The following GPC6 variants were observed in gnomAD, a reference collection of about 807,000 sequenced individuals.
The protein encoded by GPC6 is glypican-6.
GPC6 carries 14 observed loss-of-function variants against 55.2 expected under a neutral mutation model. The observed-to-expected ratio is 0.25, with a 90% CI of 0.17 to 0.40. The LOEUF is 0.40. GPC6 is among the 10% of genes least tolerant of loss of function. GPC6 has a pLI of 1.00. For missense variants in GPC6, 641 were observed against 708.5 expected, an observed-to-expected ratio of 0.90 and a Z score of 1.08; for synonymous variants, 278 against 259.6, an observed-to-expected ratio of 1.07 and a Z score of -0.68.
intron 2 of GPC6, among the ~76,000 whole-genome samples, chr13:93,697,672 A>G (rs1318131963): frequency 1.3e-5 from 2 of 152,168 alleles, no homozygotes; most frequent in Non-Finnish European, 2.9e-5. Context: ...CGTTAGTTCC[A>G]AAATTTTAGA....
intron 1 of GPC6, among the ~76,000 whole-genome samples, chr13:93,460,359 G>A (rs1878631725): frequency 6.6e-6 from 1 of 152,116 alleles, no homozygotes; most frequent in South Asian, 2.1e-4. Context: ...TGGAAATAGG[G>A]AATCTTTTGC....
intron 3 of GPC6, among the ~76,000 whole-genome samples, chr13:93,837,338 G>T (rs191027822): frequency 6.6e-6 from 1 of 152,276 alleles, no homozygotes; most frequent in African/African-American, 2.4e-5. Context: ...CTATCTAAAT[G>T]TACCATGGCT....
chr13:93,939,465 G>A (rs1205903928), intron 3 of GPC6, among the ~76,000 whole-genome samples: 1 of 135,710 alleles, frequency 7.4e-6, no homozygotes, highest in Non-Finnish European at 1.6e-5. Flanking sequence ...TAGAATTTTG[G>A]CAGCCTGTAT....
In GPC6 at chr13:93,898,862, A is replaced by G. The variant is rs188066788; in HGVS notation, c.711+68317A>G. Among the ~76,000 whole-genome samples, 289 of 150,888 alleles carry G rather than the reference A, an allele frequency of 1.9e-3. 2 individuals are homozygous for G. The highest frequency in any genetic ancestry group is 6.4e-3 in the African/African-American group (264 of 41,182). On this transcript the variant is annotated intron_variant, in intron 3 of 8. Transcript: ENST00000377047. The stretch of plus-strand genomic sequence containing the variant: ...CAAAGCAAGCATTGCTTGGAGTGAA[A>G]GAAGTTTCTGCAGTGAACACTACAC...
intron 1 of GPC6, among the ~76,000 whole-genome samples, chr13:93,382,408 C>T (rs775269077): frequency 2.0e-5 from 3 of 152,106 alleles, no homozygotes; most frequent in Admixed American, 6.5e-5. Context: ...CTTTTTCAAT[C>T]GATTTAATAT....
intron 1 of GPC6, among the ~76,000 whole-genome samples, chr13:93,383,830 G>A (rs191495105): frequency 1.3e-5 from 2 of 151,788 alleles, no homozygotes; most frequent in Admixed American, 6.6e-5. Context: ...ATTTAATTGT[G>A]CTAAATGTTT....
At chr13:93,776,304 A>G (rs2138899993) in intron 2 of GPC6, among the ~76,000 whole-genome samples, 1 of 152,302 alleles carries the variant, frequency 6.6e-6, no homozygotes, top group South Asian at 2.1e-4. Flanking sequence ...GCAGTTCTAA[A>G]CACTTTAACA....
intron 6 of GPC6, among the ~76,000 whole-genome samples, chr13:94,337,498 A>G (rs1460373468): frequency 6.7e-6 from 1 of 149,656 alleles, no homozygotes; most frequent in Non-Finnish European, 1.5e-5. Context: ...CCCAGGCTGG[A>G]GTGCAGTGGC....
the GPC6 span, among the ~76,000 whole-genome samples, chr13:93,220,686 A>G: frequency 6.6e-6 from 1 of 152,176 alleles, no homozygotes; most frequent in African/African-American, 2.4e-5. Flanking sequence ...TTATGAAATG[A>G]TGCTTAGCCA....
chr13:93,803,878 T>C (rs1421879592), intron 2 of GPC6, among the ~76,000 whole-genome samples: 3 of 152,104 alleles, frequency 2.0e-5, no homozygotes, highest in Non-Finnish European at 4.4e-5. Context: ...GCTTAATGAT[T>C]GTCTGTGGCT....
At chr13:93,489,297 T>A (rs2139353008) in intron 1 of GPC6, among the ~76,000 whole-genome samples, 2 of 151,574 alleles carry the variant, frequency 1.3e-5, no homozygotes, top group Admixed American at 1.3e-4. Context: ...GTGGTATTAT[T>A]TCTGAGGGCT....
chr13:93,720,406 T>C (rs1229626470), intron 2 of GPC6, among the ~76,000 whole-genome samples: 1 of 152,106 alleles, frequency 6.6e-6, no homozygotes, highest in Non-Finnish European at 1.5e-5. Flanking sequence ...GTGGGATCAG[T>C]GATGATATCC....
At chr13:93,367,549 C>A (rs967050003) in intron 1 of GPC6, among the ~76,000 whole-genome samples, 5 of 151,968 alleles carry the variant, frequency 3.3e-5, no homozygotes, top group African/African-American at 1.2e-4. Context: ...TGATTTGAGA[C>A]TTTCCCTTTT....
chr13:94,158,229 A>G (rs1324189502), intron 4 of GPC6, among the ~76,000 whole-genome samples: 2 of 152,166 alleles, frequency 1.3e-5, no homozygotes, highest in Admixed American at 6.6e-5. Flanking sequence ...CAGTGCTACA[A>G]TTGAGATACT....
intron 4 of GPC6, among the ~76,000 whole-genome samples, chr13:94,140,784 G>A (rs1386776928): frequency 6.6e-6 from 1 of 152,098 alleles, no homozygotes; most frequent in East Asian, 1.9e-4. Context: ...GCTACCAGGA[G>A]CAACTTTCAT....
Position 93,279,374 on chromosome 13 carries a change from T to C in GPC6, c.160+51758T>C, listed in dbSNP as rs150035984. Among the ~76,000 whole-genome samples the C allele has an allele frequency of 2.0e-5, 3 of 152,354 alleles. No individual in the cohort carries two copies. In the East Asian group the frequency reaches 5.8e-4, roughly 29 times the overall value. On this transcript the variant is annotated intron_variant, in intron 1 of 8. Transcript: ENST00000377047. ...GACAGTAAGAAATGGTTTGTCGAGA[T>C]ATGTACATTGGGTTTGGAAACGCTA... is the stretch of plus-strand genomic sequence containing the variant.
At chr13:93,992,519 A>T (rs1353433223) in intron 3 of GPC6, among the ~76,000 whole-genome samples, 2 of 152,158 alleles carry the variant, frequency 1.3e-5, no homozygotes, top group East Asian at 3.8e-4. Flanking sequence ...AAGTTTGTTG[A>T]TTTAATATCC....
intron 1 of GPC6, among the ~76,000 whole-genome samples, chr13:93,383,983 G>C (rs1238495297): frequency 6.6e-6 from 1 of 151,966 alleles, no homozygotes; most frequent in Non-Finnish European, 1.5e-5. Flanking sequence ...GCTGGCAAAT[G>C]CTATTATAAT....
At chr13:94,337,555 C>T (rs948497167) in intron 6 of GPC6, among the ~76,000 whole-genome samples, 1 of 151,682 alleles carries the variant, frequency 6.6e-6, no homozygotes, top group African/African-American at 2.4e-5. Flanking sequence ...TCAAGCGATT[C>T]TCCTGCCTCA....
Sources: allele counts gnomAD v4.1 joint callset (sites outside exome capture counted in the v4.1 genomes callset), GRCh38; gene constraint gnomAD v4.1.1; transcripts MANE v1.5; gene names NCBI Gene and HGNC (gene_info 2026-07-23, HGNC 2026-07-21).